SAMD9: variants seen among roughly 807,000 people sequenced by gnomAD.
The protein encoded by SAMD9 is sterile alpha motif domain-containing protein 9.
SAMD9 carries 3 observed loss-of-function variants against 1.5 expected under a neutral mutation model. That is an observed-to-expected ratio of 2.05 (90% CI 0.93 to 5.29). The LOEUF is 5.29. Ranked by LOEUF, SAMD9 falls within the 30% of genes most tolerant of loss-of-function variation. The pLI, the probability that SAMD9 is intolerant of heterozygous loss-of-function variation, is 0.02. For missense variants in SAMD9, 1,597 were observed against 1,820.8 expected, an observed-to-expected ratio of 0.88 and a Z score of 2.24; for synonymous variants, 635 against 631.9, an observed-to-expected ratio of 1.00 and a Z score of -0.07.
chr7:93,104,380 A>G lies in SAMD9; in HGVS notation c.1718T>C (p.Ile573Thr). 6.2e-7 allele frequency: 1 copy of G among 1,613,946 alleles called. No homozygotes were observed. Among genetic ancestry groups the G allele is most frequent in the Non-Finnish European group, 8.5e-7 (1 of 1,179,866 alleles). Residue 573 changes from isoleucine to threonine, a missense_variant, in exon 3 of 3, where the codon ATA becomes ACA. Ile to Thr is a moderately conservative substitution (Grantham distance 89). This residue lies in a region of SAMD9 where 358 missense variants were observed against 460.4 expected (regional missense o/e 0.78). Coordinates refer to ENST00000379958, the MANE Select transcript of SAMD9 (RefSeq NM_017654.4). Reference sequence around the variant, plus strand: ...GTGTGGGTGCACACAAATACACAGTATATTTTCCATTCCTTTGAGATCCTG... The same window carrying G: ...GTGTGGGTGCACACAAATACACAGTGTATTTTCCATTCCTTTGAGATCCTG... ...FYQDLKGMEN[I>T]LCICVHPHIF...
Position 93,103,842 on chromosome 7 carries a change from C to A in SAMD9, c.2256G>T (p.Trp752Cys), listed in dbSNP as rs1378693567. ...CACATCTGAATTTCTTCCTTAGTTC[C>A]CAGAGAATGTGCATAGCCAAGGTAG... The part of the protein sequence containing the change: ...GGTTLAMHIL[W>C]ELRKKFRCAV... The change falls in exon 3 of 3, where the codon TGG becomes TGT. Residue 752 changes from tryptophan to cysteine, a missense_variant. By Grantham distance (215) the Trp-to-Cys change is radical (BLOSUM62 -2). Transcript: ENST00000379958. 6.2e-7 allele frequency: 1 copy of A among 1,613,884 alleles called. No homozygotes were observed. Among genetic ancestry groups the A allele is most frequent in the Non-Finnish European group, 8.5e-7 (1 of 1,179,854 alleles).
In SAMD9 at chr7:93,105,793, G is replaced by A. The variant is rs1791630171; in HGVS notation, c.305C>T (p.Ser102Phe). ...SKNAPKDQTVSQKERRETSKQ... is the reference protein window; with the variant it reads ...SKNAPKDQTVFQKERRETSKQ... ...TGAAGTTTCTCTACGTTCCTTTTGA[G>A]ACACAGTTTGGTCTTTAGGAGCATT... The change falls in exon 3 of 3, where the codon TCT (serine) becomes TTT (phenylalanine). Residue 102 changes from serine to phenylalanine, a missense_variant. This residue lies in a region of SAMD9 where 498 missense variants were observed against 457.4 expected (regional missense o/e 1.09). Transcript: ENST00000379958. 6.2e-7 allele frequency: 1 copy of A among 1,614,110 alleles called. No individual in the cohort carries two copies. The highest frequency in any genetic ancestry group is 8.5e-7 in the Non-Finnish European group (1 of 1,179,998).
At chr7:93,114,069 A>G (rs1249453705) in intron 2 of SAMD9, among the ~76,000 whole-genome samples, 1 of 152,146 alleles carries the variant, frequency 6.6e-6, no homozygotes, top group Non-Finnish European at 1.5e-5. Flanking sequence ...TCATTGATAG[A>G]CTGGATTAAG....
intron 2 of SAMD9, among the ~76,000 whole-genome samples, chr7:93,107,661 T>A (rs1791668478): frequency 6.6e-6 from 1 of 152,168 alleles, no homozygotes; most frequent in Admixed American, 6.5e-5. Flanking sequence ...ACAGAAATAT[T>A]GTTTTCTAGT....
At chr7:93,113,395 C>A (rs1409442826) in intron 2 of SAMD9, among the ~76,000 whole-genome samples, 1 of 152,152 alleles carries the variant, frequency 6.6e-6, no homozygotes, top group Non-Finnish European at 1.5e-5. Context: ...TAGGCATGGG[C>A]AAGGACTTCA....
chr7:93,102,075 T>C lies in SAMD9; in HGVS notation c.4023A>G (p.Ala1341=). The C allele has an allele frequency of 2.5e-6, 4 of 1,613,246 alleles. No individual in the cohort carries two copies. In the South Asian group the frequency reaches 4.4e-5, roughly 18 times the overall value. ...ATTCCAAGAGCCCAGAAAACTTGTC[T>C]GCTTTTAAAGCTACTAGGTTTCTCC... ...RCRRNLVALK[A]DKFSGLLEYL... The change falls in exon 3 of 3, where the codon GCA becomes GCG. Residue 1341 remains alanine (A), a synonymous_variant. Coordinates refer to ENST00000379958, the MANE Select transcript of SAMD9 (RefSeq NM_017654.4).
Position 93,105,923 on chromosome 7 carries a change from T to C in SAMD9, c.175A>G (p.Ile59Val). 1 of 1,613,290 alleles carries C rather than the reference T, an allele frequency of 6.2e-7. No individual in the cohort carries two copies. Among genetic ancestry groups the C allele is most frequent in the Non-Finnish European group, 8.5e-7 (1 of 1,179,604 alleles). ...LKKEHLVDMG[I>V]THGPAIQIEE... ...ATTTGAATAGCTGGTCCATGTGTGA[T>C]GCCCATATCAACAAGATGTTCTTTT... The change falls in exon 3 of 3, where the codon ATC becomes GTC. Residue 59 changes from isoleucine to valine, a missense_variant. Physicochemically the swap from Ile to Val is conservative, Grantham distance 29. Transcript: ENST00000379958.
In SAMD9 at chr7:93,104,972, C is replaced by T. The variant is rs191186450; in HGVS notation, c.1126G>A (p.Ala376Thr). 76 of 1,611,114 alleles carry T rather than the reference C, an allele frequency of 4.7e-5. No individual in the cohort carries two copies. In the East Asian group the frequency reaches 1.6e-3, roughly 34 times the overall value. Residue 376 changes from alanine to threonine, a missense_variant, in exon 3 of 3, where the codon GCA (alanine) becomes ACA (threonine). Ala to Thr is a moderately conservative substitution (Grantham distance 58). Coordinates refer to ENST00000379958, the MANE Select transcript of SAMD9 (RefSeq NM_017654.4). ...FKTLAESRKA[A>T]EEKFRAKTNK... ...GTTTTTGCTCTGAATTTTTCTTCTG[C>T]TGCTTTTCTGGACTCTGCCAGTGTT...
intron 2 of SAMD9, among the ~76,000 whole-genome samples, chr7:93,107,142 G>A (rs12672628): frequency 6.6e-6 from 1 of 151,816 alleles, no homozygotes; most frequent in East Asian, 1.9e-4. Flanking sequence ...CTGGGTTCAA[G>A]TGATCCTCCT....
intron 2 of SAMD9, among the ~76,000 whole-genome samples, chr7:93,108,192 G>A (rs909639565): frequency 6.6e-6 from 1 of 152,232 alleles, no homozygotes; most frequent in Non-Finnish European, 1.5e-5. Context: ...TCTGCTGTGT[G>A]TGCGCGCAGG....
Position 93,102,357 on chromosome 7 carries a change from T to A in SAMD9, c.3741A>T (p.Lys1247Asn), listed in dbSNP as rs1398627129. ...AAGGAATATAGTTTTTGAGGGCTAA[T>A]TTATATTCATTGTTTGGATCCCCTG... ...DIPGDPNNEY[K>N]LALKNYIPYL... is the part of the protein sequence containing the mutation. Residue 1247 changes from lysine (K) to asparagine (N), a missense_variant, in exon 3 of 3, where the codon AAA becomes AAT. By Grantham distance (94) the Lys-to-Asn change is moderately conservative (BLOSUM62 0). Around this residue, in one of 6 missense-constraint regions of SAMD9, gnomAD observed 682 missense variants for 810.0 expected, o/e 0.84. Coordinates refer to ENST00000379958, the MANE Select transcript of SAMD9 (RefSeq NM_017654.4). The A allele has an allele frequency of 6.2e-7, 1 of 1,608,390 alleles. No individual in the cohort carries two copies. Among genetic ancestry groups the A allele is most frequent in the Admixed American group, 1.7e-5 (1 of 59,844 alleles).
chr7:93,115,059 C>T (rs1310438358), intron 1 of SAMD9, among the ~76,000 whole-genome samples, 164 bp from the exon 2 acceptor site: 1 of 152,246 alleles, frequency 6.6e-6, no homozygotes, highest in East Asian at 1.9e-4. Context: ...TAGACTTGGC[C>T]TACCGGGAGG....
At chr7:93,112,357 T>A (rs888408295) in intron 2 of SAMD9, among the ~76,000 whole-genome samples, 3 of 152,192 alleles carry the variant, frequency 2.0e-5, no homozygotes, top group Non-Finnish European at 4.4e-5. Context: ...TCATACTGAA[T>A]GGGCAAAAAC....
intron 2 of SAMD9, among the ~76,000 whole-genome samples, chr7:93,108,677 C>G (rs1791688130): frequency 6.6e-6 from 1 of 152,170 alleles, no homozygotes; most frequent in South Asian, 2.1e-4. Flanking sequence ...TCAGAGGGTC[C>G]CACACCCACG....
At chr7:93,111,990 G>T (rs1791753129) in intron 2 of SAMD9, among the ~76,000 whole-genome samples, 1 of 152,234 alleles carries the variant, frequency 6.6e-6, no homozygotes, top group East Asian at 1.9e-4. Context: ...ACCAAAGCCT[G>T]GCAGAGACAC....
intron 2 of SAMD9, 99 bp from the exon 3 acceptor site, chr7:93,106,204 G>A (rs913789561): frequency 6.9e-6 from 5 of 727,346 alleles, no homozygotes; most frequent in African/African-American, 1.8e-5. Context: ...AATTTAAAAA[G>A]CTCAAAAGGA....
chr7:93,106,264 C>T (rs770244764), intron 2 of SAMD9, among the ~76,000 whole-genome samples, 159 bp from the exon 3 acceptor site: 67 of 152,320 alleles, frequency 4.4e-4, no homozygotes, highest in Admixed American at 1.0e-3. Flanking sequence ...CCAGTTTCTT[C>T]TGCATCCCTC....
At chr7:93,107,127 G>C (rs1000172105) in intron 2 of SAMD9, among the ~76,000 whole-genome samples, 1 of 151,266 alleles carries the variant, frequency 6.6e-6, no homozygotes, top group Non-Finnish European at 1.5e-5. Context: ...TGCAACCTCT[G>C]CCTCCTGGGT....
intron 2 of SAMD9, 46 bp downstream of exon 2, chr7:93,114,749 T>G (rs1791806982): frequency 6.6e-6 from 1 of 152,062 alleles, no homozygotes; most frequent in African/African-American, 2.4e-5. Context: ...CTGAATAAAT[T>G]GAAAACTGAG....
Sources: allele counts gnomAD v4.1 joint callset (sites outside exome capture counted in the v4.1 genomes callset), GRCh38; gene constraint gnomAD v4.1.1; regional missense constraint gnomAD v4.1.1; transcripts MANE v1.5; gene names NCBI Gene and HGNC (gene_info 2026-07-23, HGNC 2026-07-21).